Variants in MIB1 observed in about 807,000 individuals in gnomAD.
The protein encoded by MIB1 is MIB E3 ubiquitin protein ligase 1.
MIB1 carries 278 observed loss-of-function variants against 124.5 expected under a neutral mutation model. The observed-to-expected ratio is 2.23, with a 90% confidence interval of 2.02 to 2.47. MIB1 has a LOEUF of 2.47. Among genes scored for constraint, MIB1 ranks in the 30% most tolerant of loss-of-function variants. The pLI is 0.00. For synonymous variants in MIB1, 446 were observed against 429.4 expected (o/e 1.04, Z -0.48); for missense variants, 957 against 1,254.4 (o/e 0.76, Z 3.58).
chr18:21,842,594 G>A (rs1302661573), intron 13 of MIB1, among the ~76,000 whole-genome samples: 1 of 152,022 alleles, frequency 6.6e-6, no homozygotes, highest in East Asian at 1.9e-4. Context: ...TTCTTGGGTA[G>A]GATTTTCTGC....
intron 4 of MIB1, 124 bp from the exon 5 acceptor site, chr18:21,777,979 G>A (rs2041311015): frequency 3.1e-6 from 2 of 646,892 alleles, no homozygotes; most frequent in South Asian, 3.9e-5. Flanking sequence ...TAGTGTGATT[G>A]TTGACCTAGA....
chr18:21,791,226 T>C (rs1241665465), intron 6 of MIB1, 148 bp from the exon 7 acceptor site: 15 of 539,564 alleles, frequency 2.8e-5, no homozygotes, highest in Non-Finnish European at 4.1e-5. Flanking sequence ...TATCAATATA[T>C]ATGTATTTGT....
At chr18:21,706,374 G>A (rs1435606410) in intron 1 of MIB1, among the ~76,000 whole-genome samples, 5 of 152,140 alleles carry the variant, frequency 3.3e-5, no homozygotes, top group African/African-American at 1.2e-4. Flanking sequence ...GCCCTCGCTC[G>A]CTCTCAGCAC....
intron 17 of MIB1, among the ~76,000 whole-genome samples, chr18:21,850,291 G>A (rs2042169689): frequency 1.3e-5 from 2 of 152,060 alleles, no homozygotes; most frequent in Non-Finnish European, 1.5e-5. Flanking sequence ...CTCTCAAGGT[G>A]AATAGTTTAA....
intron 1 of MIB1, among the ~76,000 whole-genome samples, chr18:21,750,538 A>G (rs565937251): frequency 2.1e-4 from 32 of 152,230 alleles, no homozygotes; most frequent in African/African-American, 6.7e-4. Context: ...CGTGTTAGCC[A>G]TGATGGTCTC....
intron 18 of MIB1, among the ~76,000 whole-genome samples, chr18:21,856,027 G>A (rs1247768471): frequency 4.6e-5 from 7 of 151,388 alleles, no homozygotes; most frequent in Non-Finnish European, 8.8e-5. Context: ...TCAGGAGATC[G>A]AGACCATCCT....
At chr18:21,720,905 T>G (rs79000827) in intron 1 of MIB1, among the ~76,000 whole-genome samples, 2 of 152,120 alleles carry the variant, frequency 1.3e-5, no homozygotes, top group East Asian at 3.9e-4. Flanking sequence ...CAGTAAGCCA[T>G]GATCATGCCA....
In MIB1 at chr18:21,725,947, G is replaced by C. The variant is rs537040308; in HGVS notation, n.167+20824G>C. Among the ~76,000 whole-genome samples, 4 of 152,246 alleles carry C rather than the reference G, an allele frequency of 2.6e-5. No individual in the cohort carries two copies. In the East Asian group the frequency reaches 7.7e-4, roughly 29 times the overall value. On this transcript the variant is annotated intron_variant and non_coding_transcript_variant, in intron 1 of 20. Coordinates refer to the MIB1 transcript ENST00000578646. Reference sequence around the variant, plus strand: ...AGTAGTTAAAAGAGAAATATTTTTGGCCACCTCAGCATCTGTGAAAACACC... The same window carrying C: ...AGTAGTTAAAAGAGAAATATTTTTGCCCACCTCAGCATCTGTGAAAACACC...
intron 12 of MIB1, among the ~76,000 whole-genome samples, chr18:21,835,210 T>A (rs1209567007): frequency 2.6e-5 from 4 of 152,316 alleles, no homozygotes; most frequent in East Asian, 3.9e-4. Context: ...ATTTTTTTTT[T>A]ATCAAGACTA....
At chr18:21,725,094 CAAAAAAAAA>C (rs1218383555) in intron 1 of MIB1, among the ~76,000 whole-genome samples, 1 of 44,198 alleles carries the variant, frequency 2.3e-5, no homozygotes, top group Non-Finnish European at 4.6e-5. Flanking sequence ...GACTCTGTCT[CAAAAAAAAA>C]AAAAAAAAAA....
intron 1 of MIB1, among the ~76,000 whole-genome samples, chr18:21,721,158 AGTTT>A (rs1568175834): frequency 2.7e-5 from 2 of 73,084 alleles, no homozygotes; most frequent in African/African-American, 9.2e-5. Context: ...ATTTTAAAGA[AGTTT>A]TTTTTTTTTT....
chr18:21,807,518 C>G (rs139574981), intron 10 of MIB1, among the ~76,000 whole-genome samples: 1 of 152,288 alleles, frequency 6.6e-6, no homozygotes, highest in African/African-American at 2.4e-5. Context: ...GCCTATTAAA[C>G]AACTATATAG....
At chr18:21,862,649 C>G (rs922762522) in intron 20 of MIB1, among the ~76,000 whole-genome samples, 1 of 152,164 alleles carries the variant, frequency 6.6e-6, no homozygotes, top group African/African-American at 2.4e-5. Context: ...CAGTGCAGCA[C>G]AGTGTCTAAG....
rs1348962885 is a variant in MIB1 at position 21,849,181 on chromosome 18, ACTTT to A, written c.2394-10_2394-7del. 2 of 1,480,748 alleles carry A rather than the reference ACTTT, an allele frequency of 1.4e-6. No individual in the cohort carries two copies. Among genetic ancestry groups the A allele is most frequent in the Non-Finnish European group, 1.8e-6 (2 of 1,100,900 alleles). The allele number at this position is 1,480,748 out of a possible 1,614,324, so 91.7% of individuals were successfully genotyped here. ...TAATAAGATAGGCTTGATTTGAAAT[ACTTT>A]CTTTTATTAGTGGTCAAGTGGGTTC... On this transcript the variant is annotated splice_polypyrimidine_tract_variant and intron_variant, in intron 16 of 20. Transcript: ENST00000261537.
At chr18:21,740,591 A>G (rs1169999460), upstream of MIB1, among the ~76,000 whole-genome samples, 1 of 152,260 alleles carries the variant, frequency 6.6e-6, no homozygotes, top group Non-Finnish European at 1.5e-5. Context: ...CAGCTCCAGC[A>G]GCCCGGGTAG....
rs1282387381 is a variant in MIB1 at position 21,803,978 on chromosome 18, G to C, written c.1443G>C (p.Lys481Asn). The C allele has an allele frequency of 2.5e-6, 4 of 1,613,606 alleles. No individual in the cohort carries two copies. Among genetic ancestry groups the C allele is most frequent in the South Asian group, 1.1e-5 (1 of 91,076 alleles). Residue 481 changes from lysine (K) to asparagine (N), a missense_variant, in exon 10 of 21, where the codon AAG becomes AAC. By Grantham distance (94) the Lys-to-Asn change is moderately conservative. Transcript: ENST00000261537. ...AGAATGGACATGTTGACATTTTGAA[G>C]TTACTTTTGAAGCAAAACGTGGATG... ...ASQNGHVDIL[K>N]LLLKQNVDVE...
chr18:21,779,532 T>TA lies in MIB1; in HGVS notation c.758dup (p.Asn253LysfsTer21), dbSNP rs1426942727. On this transcript the variant is annotated frameshift_variant, in exon 6 of 21. Transcript: ENST00000261537. LOFTEE classifies it high-confidence loss of function. Reference sequence around the variant, plus strand: ...GGTGGATTGCAGATTGGTGACCTGGTAAATATAGATCTCGACCTCGAAATT... The same window carrying TA: ...GGTGGATTGCAGATTGGTGACCTGGTAAAATATAGATCTCGACCTCGAAATT... 1.2e-6 allele frequency: 2 copies of TA among 1,614,162 alleles called. No individual in the cohort carries two copies. Among genetic ancestry groups the TA allele is most frequent in the East Asian group, 2.2e-5 (1 of 44,876 alleles).
chr18:21,727,587 C>A (rs531204141), intron 1 of MIB1, among the ~76,000 whole-genome samples: 1 of 152,146 alleles, frequency 6.6e-6, no homozygotes, highest in Admixed American at 6.6e-5. Flanking sequence ...CTACAAAAAA[C>A]AAACAAACAA....
At chr18:21,720,650 G>A (rs1296393278) in intron 1 of MIB1, among the ~76,000 whole-genome samples, 2 of 152,046 alleles carry the variant, frequency 1.3e-5, no homozygotes, top group African/African-American at 2.4e-5. Context: ...GATATTTGGC[G>A]AAGTTAAGGA....
Sources: gnomAD v4.1 joint callset for allele counts (sites outside exome capture counted in the v4.1 genomes callset) on GRCh38, gnomAD v4.1.1 for gene constraint, MANE v1.5 for transcripts, NCBI Gene and HGNC (gene_info 2026-07-23, HGNC 2026-07-21) for gene names.